Variants in POLR3C observed in about 807,000 individuals in gnomAD.
POLR3C encodes the protein RNA polymerase III subunit C.
In POLR3C, 44 loss-of-function variants were observed where a neutral mutation model predicts 65.9. The observed-to-expected ratio is 0.67, with a 90% confidence interval of 0.52 to 0.86. The LOEUF is 0.86. POLR3C is among the 40% of genes least tolerant of loss of function. POLR3C has a pLI of 0.00. For synonymous variants in POLR3C, 263 were observed against 231.6 expected, an observed-to-expected ratio of 1.14 and a Z score of -1.23; for missense variants, 576 against 653.2, an observed-to-expected ratio of 0.88 and a Z score of 1.29.
At chr1:145,834,281 G>A (rs1289848723) in intron 7 of POLR3C, among the ~76,000 whole-genome samples, 3 of 152,168 alleles carry the variant, frequency 2.0e-5, no homozygotes, top group African/African-American at 7.2e-5. Flanking sequence ...GAGCTTTCAG[G>A]ACTAAAAGTT....
Position 145,844,126 on chromosome 1 carries a change from C to G in POLR3C, c.*1706C>G, listed in dbSNP as rs1226555984. On this transcript the variant is annotated 3_prime_UTR_variant, in exon 15 of 15. Transcript: ENST00000334163. ...CAGAGGTTCCTCAAAAAACTAAAAA[C>G]AGAACTATGCTCCAGCAGTTCCACT... Among the ~76,000 whole-genome samples, 1 of 152,172 alleles carries G rather than the reference C, an allele frequency of 6.6e-6. No homozygotes were observed. The highest frequency in any genetic ancestry group is 6.5e-5 in the Admixed American group (1 of 15,274).
chr1:145,828,910 A>G (rs1651057897), intron 5 of POLR3C, 73 bp downstream of exon 5: 9 of 805,918 alleles, frequency 1.1e-5, no homozygotes, highest in Non-Finnish European at 1.8e-5. Flanking sequence ...ACAAGCCCCA[A>G]GAGAGCTTAA....
Position 145,843,131 on chromosome 1 carries a change from A to C in POLR3C, c.*711A>C, listed in dbSNP as rs1326462046. ...AATTATTTTCAGGGTTAGCAGGTGG[A>C]TTGTCCCAAGCAGTCACACTAGAAT... On this transcript the variant is annotated 3_prime_UTR_variant, in exon 15 of 15. Coordinates refer to ENST00000334163, the MANE Select transcript of POLR3C (RefSeq NM_006468.8). 6.6e-6 allele frequency among the ~76,000 whole-genome samples: 1 copy of C among 152,120 alleles called. No homozygotes were observed. The highest frequency in any genetic ancestry group is 2.4e-5 in the African/African-American group (1 of 41,426).
intron 1 of POLR3C, 124 bp downstream of exon 1, chr1:145,824,493 G>A: frequency 4.7e-6 from 6 of 1,277,986 alleles, no homozygotes; most frequent in Non-Finnish European, 6.1e-6. Flanking sequence ...CCCTTTCCGA[G>A]GATGGCAAAG....
In POLR3C at chr1:145,841,327, T is replaced by G. The variant is rs587743843; in HGVS notation, c.1523+256T>G. On this transcript the variant is annotated intron_variant, in intron 14 of 14. Transcript: ENST00000334163. ...TTTTTAAGAGACGGGGTTTTGGCTG[T>G]GTTGCCCAGACTGGCCTTGAACTCG... Among the ~76,000 whole-genome samples, 14 of 152,364 alleles carry G rather than the reference T, an allele frequency of 9.2e-5. No homozygotes were observed. The East Asian group carries it at 2.7e-3, about 29-fold the overall frequency.
At chr1:145,840,475 G>A in intron 13 of POLR3C, 2 of 326,026 alleles carry the variant, frequency 6.1e-6, no homozygotes, top group South Asian at 7.1e-5. Flanking sequence ...AGTGAGTGGA[G>A]GTTGCAGTGA....
At chr1:145,836,944 T>C in intron 9 of POLR3C, 78 bp downstream of exon 9, 1 of 742,912 alleles carries the variant, frequency 1.3e-6, no homozygotes, top group Admixed American at 2.5e-5. Context: ...AAGAAAGATT[T>C]GGTAATGTTT....
chr1:145,840,894 A>T, intron 13 of POLR3C, 28 bp from the exon 14 acceptor site: 1 of 1,596,196 alleles, frequency 6.3e-7, no homozygotes, highest in Non-Finnish European at 8.6e-7. Context: ...GTTAGGGAAG[A>T]TGTCTCAGAG....
chr1:145,837,598 T>C lies in POLR3C; in HGVS notation c.1070+2T>C. 1 of 1,600,300 alleles carries C rather than the reference T, an allele frequency of 6.2e-7. No homozygotes were observed. The highest frequency in any genetic ancestry group is 2.2e-5 in the East Asian group (1 of 44,772). On this transcript the variant is annotated splice_donor_variant, in intron 10 of 14. Coordinates refer to ENST00000334163, the MANE Select transcript of POLR3C (RefSeq NM_006468.8). LOFTEE classifies it high-confidence loss of function. ...TCTGGAGTCCGTCGTACAGGAGAGG[T>C]AAGGGGGACACTGGTTGGGTTTGGG...
At chr1:145,834,977 C>CA (rs34635911) in intron 7 of POLR3C, among the ~76,000 whole-genome samples, 42,976 of 150,886 alleles carry the variant, frequency 0.28, 7,119 homozygotes, top group Non-Finnish European at 0.37. Flanking sequence ...CCCGTCTCTA[C>CA]AAAAAATTTT....
At chr1:145,833,126 C>T in intron 5 of POLR3C, 134 bp from the exon 6 acceptor site, 1 of 591,098 alleles carries the variant, frequency 1.7e-6, no homozygotes, top group Non-Finnish European at 3.0e-6. Flanking sequence ...CACCAGTCTA[C>T]ATGACTGAAT....
rs1651996428 is a variant in POLR3C, at chr1:145,838,087, C to G, written c.1102C>G (p.Leu368Val). ...FGSRCARIFR[L>V]VLQKKHIEQK... ...GTCTCGCTGTGCTAGAATATTCCGT[C>G]TAGTTTTGCAGAAGAAACACATAGA... The change falls in exon 11 of 15, where the codon CTA (leucine) becomes GTA (valine). Residue 368 changes from leucine (L) to valine (V), a missense_variant. Transcript: ENST00000334163. 6.2e-7 allele frequency: 1 copy of G among 1,613,978 alleles called. No individual in the cohort carries two copies. The highest frequency in any genetic ancestry group is 1.7e-5 in the Admixed American group (1 of 60,006).
chr1:145,842,236 A>T (rs1384613830), intron 14 of POLR3C, 103 bp from the exon 15 acceptor site: 41 of 684,040 alleles, frequency 6.0e-5, no homozygotes, highest in Non-Finnish European at 1.3e-5. Context: ...TCCACTCTCA[A>T]GGGTAACCAA....
At chr1:145,840,854 T>C in intron 13 of POLR3C, 68 bp from the exon 14 acceptor site, 1 of 1,259,050 alleles carries the variant, frequency 7.9e-7, no homozygotes, top group Non-Finnish European at 1.2e-6. Flanking sequence ...GGGTAGTGCC[T>C]CAGACACACG....
In POLR3C at chr1:145,836,573, C is replaced by T; in HGVS notation, c.956C>T (p.Pro319Leu). ...TATCTCACTCTGCTGGCAGATGATC[C>T]AGTAAGTCTGTTTTTGCTTTTTTTC... is the stretch of plus-strand genomic sequence containing the variant. ...DQYLTLLADDPLEFVGKSGDS... is the reference protein window; with the variant it reads ...DQYLTLLADDLLEFVGKSGDS... Residue 319 changes from proline (P) to leucine (L), a missense_variant and splice_region_variant, in exon 8 of 15, where the codon CCA becomes CTA. Transcript: ENST00000334163. The T allele has an allele frequency of 6.3e-7, 1 of 1,592,690 alleles. No homozygotes were observed. The highest frequency in any genetic ancestry group is 8.6e-7 in the Non-Finnish European group (1 of 1,160,588).
chr1:145,826,540 G>T lies in POLR3C; in HGVS notation c.234G>T (p.Gln78His). ...GTGGTGTGGTGGAGTATGAAGCCCA[G>T]TGCAGCCGGGTATTGCGAATGCTTA... ...HKRGVVEYEA[Q>H]CSRVLRMLRY... The change falls in exon 3 of 15, where the codon CAG (glutamine) becomes CAT (histidine). Residue 78 changes from glutamine (Q) to histidine (H), a missense_variant. By Grantham distance (24) the Gln-to-His change is conservative (BLOSUM62 0). Transcript: ENST00000334163. 1 of 1,613,990 alleles carries T rather than the reference G, an allele frequency of 6.2e-7. No homozygotes were observed. The highest frequency in any genetic ancestry group is 8.5e-7 in the Non-Finnish European group (1 of 1,180,014).
At chr1:145,838,348 C>CGA (rs1360510881) in intron 11 of POLR3C, 142 bp downstream of exon 11, 7 of 724,636 alleles carry the variant, frequency 9.7e-6, no homozygotes, top group Non-Finnish European at 1.6e-5. Context: ...AGAGACATAG[C>CGA]GAGCACTTGG....
rs1324036299 is a variant in POLR3C at position 145,844,014 on chromosome 1, T to A, written c.*1594T>A. On this transcript the variant is annotated 3_prime_UTR_variant, in exon 15 of 15. Transcript: ENST00000334163. ...CATTACTTTTATCAAGAAGAAAGAA[T>A]GAATGCTAGTGAGGATGTGGAAAAA... is the stretch of plus-strand genomic sequence containing the variant. Among the ~76,000 whole-genome samples the A allele has an allele frequency of 6.6e-6, 1 of 152,142 alleles. No individual in the cohort carries two copies. The highest frequency in any genetic ancestry group is 2.4e-5 in the African/African-American group (1 of 41,436).
At chr1:145,836,647 T>C in intron 8 of POLR3C, 73 bp downstream of exon 8, 2 of 1,009,602 alleles carry the variant, frequency 2.0e-6, no homozygotes, top group Non-Finnish European at 3.2e-6. Context: ...CACTGATACC[T>C]AGTGTCATCC....
Sources: gnomAD v4.1 joint callset for allele counts (sites outside exome capture counted in the v4.1 genomes callset) on GRCh38, gnomAD v4.1.1 for gene constraint, MANE v1.5 for transcripts, NCBI Gene and HGNC (gene_info 2026-07-23, HGNC 2026-07-21) for gene names.